RBFOX1: variants seen among roughly 807,000 people sequenced by gnomAD.
RBFOX1 encodes RNA binding fox-1 homolog 1.
Under a neutral mutation model 57.7 loss-of-function variants are expected in RBFOX1, and 8 were observed. The observed-to-expected ratio is 0.14, with a 90% CI of 0.08 to 0.25. RBFOX1 has a LOEUF of 0.25. RBFOX1 is among the 10% of genes least tolerant of loss of function. The pLI, the probability that RBFOX1 is intolerant of heterozygous loss-of-function variation, is 1.00. For synonymous variants in RBFOX1, 326 were observed against 222.4 expected (o/e 1.47, Z -4.15); for missense variants, 611 against 548.5 (o/e 1.11, Z -1.14).
At chr16:6,046,944 G>A (rs369893027) in intron 1 of RBFOX1, among the ~76,000 whole-genome samples, 4 of 152,144 alleles carry the variant, frequency 2.6e-5, no homozygotes, top group Non-Finnish European at 5.9e-5. Context: ...ATATGGTAAC[G>A]GAGTTAATGG....
chr16:7,259,921 C>G (rs969238843), intron 4 of RBFOX1, among the ~76,000 whole-genome samples: 2 of 152,034 alleles, frequency 1.3e-5, no homozygotes. Flanking sequence ...AAATGAATGC[C>G]TGCCAATTTA....
At chr16:6,854,828 T>C (rs2057521438) in intron 3 of RBFOX1, among the ~76,000 whole-genome samples, 1 of 152,046 alleles carries the variant, frequency 6.6e-6, no homozygotes, top group Non-Finnish European at 1.5e-5. Flanking sequence ...TCTCCTGACC[T>C]CGTGATCCGC....
At chr16:5,607,200 G>T (rs1008818904) in intron 3 of RBFOX1, among the ~76,000 whole-genome samples, 4 of 152,178 alleles carry the variant, frequency 2.6e-5, no homozygotes, top group African/African-American at 4.8e-5. Context: ...CGTCTGCTCG[G>T]CAGAAAACCA....
intron 3 of RBFOX1, among the ~76,000 whole-genome samples, chr16:5,673,002 C>T (rs929159551): frequency 1.3e-5 from 2 of 152,032 alleles, no homozygotes; most frequent in African/African-American, 4.8e-5. Context: ...ACGTGCTTGG[C>T]TGCAGAGAAG....
chr16:5,438,627 G>C (rs927410710), intron 1 of RBFOX1, among the ~76,000 whole-genome samples: 10 of 152,116 alleles, frequency 6.6e-5, no homozygotes, highest in Non-Finnish European at 1.3e-4. Flanking sequence ...TTTCACCTCT[G>C]CTGGCCCATG....
chr16:7,467,504 A>T, intron 4 of RBFOX1, among the ~76,000 whole-genome samples: 1 of 152,234 alleles, frequency 6.6e-6, no homozygotes, highest in East Asian at 1.9e-4. Flanking sequence ...TAGAGAGGGC[A>T]GTATAATATA....
chr16:7,547,889 A>G (rs17144090), intron 5 of RBFOX1, among the ~76,000 whole-genome samples: 1 of 152,160 alleles, frequency 6.6e-6, no homozygotes, highest in Non-Finnish European at 1.5e-5. Flanking sequence ...GACAAAACAG[A>G]ATGGATACCA....
At chr16:5,379,866 G>A (rs2066086053) in intron 1 of RBFOX1, among the ~76,000 whole-genome samples, 1 of 152,100 alleles carries the variant, frequency 6.6e-6, no homozygotes, top group Non-Finnish European at 1.5e-5. Context: ...ATCTCTTCTG[G>A]GTCATTTTTT....
At chr16:7,359,457 A>G (rs1311323155) in intron 4 of RBFOX1, among the ~76,000 whole-genome samples, 1 of 152,192 alleles carries the variant, frequency 6.6e-6, no homozygotes, top group Non-Finnish European at 1.5e-5. Flanking sequence ...TTAAATAACT[A>G]AATGCTTTTT....
intron 4 of RBFOX1, among the ~76,000 whole-genome samples, chr16:7,113,657 C>G (rs780558905): frequency 2.0e-5 from 3 of 152,320 alleles, no homozygotes; most frequent in Non-Finnish European, 2.9e-5. Flanking sequence ...TATCCTTCCA[C>G]CCAAGAAACA....
At chr16:7,589,194 G>A (rs2094303059) in intron 7 of RBFOX1, among the ~76,000 whole-genome samples, 1 of 152,164 alleles carries the variant, frequency 6.6e-6, no homozygotes. Flanking sequence ...ACTTCGTTCT[G>A]ACCCTAGGTC....
intron 14 of RBFOX1, among the ~76,000 whole-genome samples, chr16:7,679,364 A>G (rs1381262697): frequency 6.6e-6 from 1 of 152,198 alleles, no homozygotes; most frequent in Admixed American, 6.5e-5. Context: ...AGAATCAGTA[A>G]GTGATGGAAG....
chr16:6,457,619 C>A (rs182780139), intron 2 of RBFOX1, among the ~76,000 whole-genome samples: 7 of 152,148 alleles, frequency 4.6e-5, no homozygotes, highest in African/African-American at 1.7e-4. Flanking sequence ...TATTCGAAGA[C>A]CTCCCAATTA....
chr16:6,782,316 C>A (rs1475597227), intron 3 of RBFOX1, among the ~76,000 whole-genome samples: 2 of 152,032 alleles, frequency 1.3e-5, no homozygotes, highest in Non-Finnish European at 2.9e-5. Flanking sequence ...TATAAACTAC[C>A]ATCTTAGTAC....
At chr16:7,179,909 AT>A (rs113449495) in intron 4 of RBFOX1, among the ~76,000 whole-genome samples, 3,193 of 141,696 alleles carry the variant, frequency 0.023, 86 homozygotes, top group African/African-American at 0.066. Flanking sequence ...TAATTTTTGT[AT>A]TTTTTTTTTT....
At chr16:6,395,486 CT>C (rs1278553248) in intron 2 of RBFOX1, among the ~76,000 whole-genome samples, 3 of 151,780 alleles carry the variant, frequency 2.0e-5, no homozygotes, top group African/African-American at 7.3e-5. Flanking sequence ...TTGTTTTGAC[CT>C]TTTTCTCATT....
rs141466556 is a variant in RBFOX1 at position 6,877,692 on chromosome 16, G to T, written c.-15-174365G>T. Among the ~76,000 whole-genome samples, 98 of 152,270 alleles carry T rather than the reference G, an allele frequency of 6.4e-4. No homozygotes were observed. In the East Asian group the frequency reaches 0.018, roughly 29 times the overall value. ...CAGAGCAAGGATTGCTATTCTCTGT[G>T]TATAGTGAGAAAATAGAGGCTCAAA... On this transcript the variant is annotated intron_variant, in intron 3 of 15. Coordinates refer to ENST00000550418, the MANE Select transcript of RBFOX1 (RefSeq NM_018723.4).
At chr16:6,673,222 T>C (rs2098778813) in intron 3 of RBFOX1, among the ~76,000 whole-genome samples, 1 of 152,132 alleles carries the variant, frequency 6.6e-6, no homozygotes. Context: ...CCCATCTGTG[T>C]CTTCTCTATC....
Position 6,081,406 on chromosome 16 carries a change from G to C in RBFOX1, c.-127+61414G>C, listed in dbSNP as rs887687923. On this transcript the variant is annotated intron_variant, in intron 1 of 15. Transcript: ENST00000550418. ...TTCTCTGTCGGATGCCTGGGAATGT[G>C]AATTTGCCTACACATTTTGAGACAT... Among the ~76,000 whole-genome samples the C allele has an allele frequency of 2.0e-5, 3 of 152,122 alleles. No individual in the cohort carries two copies. The South Asian group carries it at 6.2e-4, about 32-fold the overall frequency.
Sources: allele counts gnomAD v4.1 joint callset (sites outside exome capture counted in the v4.1 genomes callset), GRCh38; gene constraint gnomAD v4.1.1; transcripts MANE v1.5; gene names NCBI Gene and HGNC (gene_info 2026-07-23, HGNC 2026-07-21).